The following ARHGEF28 variants were observed in gnomAD, a reference collection of about 807,000 sequenced individuals.
ARHGEF28 encodes the protein Rho guanine nucleotide exchange factor 28.
ARHGEF28 carries 152 observed loss-of-function variants against 206.6 expected under a neutral mutation model. The observed-to-expected ratio is 0.74, with a 90% CI of 0.64 to 0.84. The LOEUF is 0.84. ARHGEF28 is among the 40% of genes least tolerant of loss of function. The pLI is 0.00. For missense variants in ARHGEF28, 2,028 were observed against 2,073.2 expected (o/e 0.98, Z 0.42); for synonymous variants, 763 against 776.4 (o/e 0.98, Z 0.29).
intron 26 of ARHGEF28, among the ~76,000 whole-genome samples, chr5:73,889,880 C>T (rs1021816458): frequency 3.9e-5 from 6 of 152,140 alleles, no homozygotes; most frequent in Admixed American, 1.3e-4. Flanking sequence ...AGAATATGGG[C>T]CCAGGATTGC....
intron 4 of ARHGEF28, among the ~76,000 whole-genome samples, chr5:73,757,221 CA>C (rs1466625539): frequency 1.3e-5 from 2 of 152,038 alleles, no homozygotes; most frequent in African/African-American, 4.8e-5. Context: ...TAAACTGTGC[CA>C]TCGGACCCAC....
chr5:73,769,004 A>G (rs1325725877), intron 4 of ARHGEF28, among the ~76,000 whole-genome samples: 2 of 152,066 alleles, frequency 1.3e-5, no homozygotes, highest in East Asian at 1.9e-4. Flanking sequence ...TGCCGCTGCC[A>G]TGTAAGAAGT....
At chr5:73,635,205 T>C (rs772287015) in intron 1 of ARHGEF28, among the ~76,000 whole-genome samples, 3 of 152,090 alleles carry the variant, frequency 2.0e-5, no homozygotes, top group African/African-American at 4.8e-5. Flanking sequence ...TATCCAGGCA[T>C]GGTGGCACAT....
intron 1 of ARHGEF28, among the ~76,000 whole-genome samples, chr5:73,674,916 C>T (rs1471043421): frequency 1.3e-5 from 2 of 152,188 alleles, no homozygotes; most frequent in Non-Finnish European, 2.9e-5. Flanking sequence ...CCCTTTTCCA[C>T]ATGCTTCACC....
At chr5:73,862,725 T>G (rs989184544) in intron 16 of ARHGEF28, among the ~76,000 whole-genome samples, 1 of 152,156 alleles carries the variant, frequency 6.6e-6, no homozygotes, top group Non-Finnish European at 1.5e-5. Flanking sequence ...TTCCTAAGAT[T>G]ATTATGTTTA....
At chr5:73,741,124 C>T (rs1286937881) in intron 2 of ARHGEF28, among the ~76,000 whole-genome samples, 1 of 151,902 alleles carries the variant, frequency 6.6e-6, no homozygotes, top group East Asian at 1.9e-4. Flanking sequence ...TCTCTGTCTC[C>T]ATGGAATTTG....
chr5:73,864,896 T>A (rs1171538638), intron 17 of ARHGEF28, 24 bp downstream of exon 17: 1 of 1,608,056 alleles, frequency 6.2e-7, no homozygotes, highest in African/African-American at 1.3e-5. Flanking sequence ...GATCTGTGAA[T>A]ATATATGTGG....
intron 5 of ARHGEF28, among the ~76,000 whole-genome samples, chr5:73,774,722 A>G (rs1331500677): frequency 6.6e-6 from 1 of 152,228 alleles, no homozygotes; most frequent in Non-Finnish European, 1.5e-5. Context: ...GGTTCAGGTC[A>G]GCCATTATTC....
At chr5:73,802,985 T>G (rs2112501193) in intron 9 of ARHGEF28, among the ~76,000 whole-genome samples, 1 of 150,890 alleles carries the variant, frequency 6.6e-6, no homozygotes, top group African/African-American at 2.4e-5. Context: ...TTAGGGCAAT[T>G]AAGATTCTGG....
At chr5:73,935,633 A>G (rs2112046131) in intron 35 of ARHGEF28, among the ~76,000 whole-genome samples, 1 of 152,350 alleles carries the variant, frequency 6.6e-6, no homozygotes, top group South Asian at 2.1e-4. Context: ...GAGGGTAAAT[A>G]TGAATCAACC....
intron 1 of ARHGEF28, among the ~76,000 whole-genome samples, chr5:73,660,277 C>T (rs1051450984): frequency 5.3e-5 from 8 of 152,202 alleles, no homozygotes; most frequent in Admixed American, 3.3e-4. Flanking sequence ...TCTTCATCCA[C>T]TCAAGTTTGA....
In ARHGEF28 at chr5:73,806,656, G is replaced by A. The variant is rs1371138685; in HGVS notation, c.1024+11265G>A. 5.9e-5 allele frequency among the ~76,000 whole-genome samples: 8 copies of A among 134,870 alleles called. 1 individual carries two copies. The highest frequency in any genetic ancestry group is 2.3e-4 in the South Asian group (1 of 4,314). 88.5% of individuals were successfully genotyped at this position (134,870 alleles called of 152,430 possible). ...ATATATACAATCTATAGTATATATC[G>A]TATACATCTATATGTACCATATATA... On this transcript the variant is annotated intron_variant, in intron 9 of 35. Coordinates refer to ENST00000513042, the MANE Select transcript of ARHGEF28 (RefSeq NM_001177693.2).
chr5:73,644,520 A>G (rs1744315298), intron 1 of ARHGEF28, among the ~76,000 whole-genome samples: 1 of 152,108 alleles, frequency 6.6e-6, no homozygotes, highest in Non-Finnish European at 1.5e-5. Context: ...TCAGTCCCTC[A>G]CTAGCCCTGA....
chr5:73,887,551 TATTTG>T, intron 25 of ARHGEF28, 47 bp from the exon 26 acceptor site: 1 of 1,357,172 alleles, frequency 7.4e-7, no homozygotes, highest in Non-Finnish European at 1.0e-6. Context: ...TTATTCAGTT[TATTTG>T]AACTGTGGTT....
At chr5:73,923,001 G>A (rs1475765929) in intron 35 of ARHGEF28, 2 of 1,262,404 alleles carry the variant, frequency 1.6e-6, no homozygotes, top group East Asian at 2.5e-5. Context: ...ATGGAAATTG[G>A]AGGGAAAAAA....
At chr5:73,913,982 G>A (rs1763063768) in intron 35 of ARHGEF28, among the ~76,000 whole-genome samples, 1 of 152,110 alleles carries the variant, frequency 6.6e-6, no homozygotes, top group Non-Finnish European at 1.5e-5. Context: ...TGAATTTCTG[G>A]AACAGTAAGG....
Position 73,631,161 on chromosome 5 carries a change from G to A in ARHGEF28, c.-12+4839G>A, listed in dbSNP as rs569162316. Among the ~76,000 whole-genome samples, 16 of 152,262 alleles carry A rather than the reference G, an allele frequency of 1.1e-4. No homozygotes were observed. In the South Asian group the frequency reaches 2.9e-3, roughly 28 times the overall value. ...AAGTGGGCTGACTGTTTAATTTTATGATAAAAATAATTTCTATCAGGCAAA... is the reference window on the plus strand; with the variant it reads ...AAGTGGGCTGACTGTTTAATTTTATAATAAAAATAATTTCTATCAGGCAAA... On this transcript the variant is annotated intron_variant, in intron 1 of 35. Coordinates refer to ENST00000513042, the MANE Select transcript of ARHGEF28 (RefSeq NM_001177693.2).
Position 73,893,303 on chromosome 5 carries a change from C to G in ARHGEF28, c.3658+15C>G. ...GCAATGTCAAGGTACAGTGCAGGCA[C>G]TTCTGGCTCCCTGGTCGTGGTGTTC... On this transcript the variant is annotated intron_variant, in intron 28 of 35. Transcript: ENST00000513042. 1.3e-6 allele frequency: 2 copies of G among 1,530,658 alleles called. No homozygotes were observed. Among genetic ancestry groups the G allele is most frequent in the South Asian group, 2.6e-5 (2 of 78,092 alleles). 94.8% of individuals were successfully genotyped at this position (1,530,658 alleles called of 1,614,324 possible).
chr5:73,809,146 A>G (rs1448237764), intron 9 of ARHGEF28, among the ~76,000 whole-genome samples: 1 of 151,846 alleles, frequency 6.6e-6, no homozygotes, highest in African/African-American at 2.4e-5. Flanking sequence ...CGGAAGTAGT[A>G]GTGAGCCAAG....
Sources: gnomAD v4.1 joint callset for allele counts (sites outside exome capture counted in the v4.1 genomes callset) on GRCh38, gnomAD v4.1.1 for gene constraint, MANE v1.5 for transcripts, NCBI Gene and HGNC (gene_info 2026-07-23, HGNC 2026-07-21) for gene names.